Variants in CSMD1 observed in about 807,000 individuals in gnomAD.
CSMD1 encodes CUB and Sushi multiple domains 1.
CSMD1 carries 213 observed loss-of-function variants against 417.5 expected under a neutral mutation model. The ratio of observed to expected loss-of-function variants is 0.51; its 90% CI spans 0.46 to 0.57. The LOEUF is 0.57. CSMD1 is among the 20% of genes least tolerant of loss of function. The pLI is 0.00. For missense variants in CSMD1, 6,923 were observed against 4,529.7 expected (o/e 1.53, Z -15.17); for synonymous variants, 2,862 against 1,736.8 (o/e 1.65, Z -16.11).
intron 5 of CSMD1, among the ~76,000 whole-genome samples, chr8:3,850,124 C>T (rs1221340494): frequency 3.9e-5 from 6 of 152,292 alleles, no homozygotes; most frequent in East Asian, 3.9e-4. Flanking sequence ...TACATTTGGG[C>T]GATGTCGCCA....
Position 3,998,089 on chromosome 8 carries a change from G to A in CSMD1, c.632C>T (p.Thr211Ile), listed in dbSNP as rs755543538. 5.7e-6 allele frequency: 9 copies of A among 1,578,454 alleles called. No individual in the cohort carries two copies. Among genetic ancestry groups the A allele is most frequent in the Non-Finnish European group, 6.0e-6 (7 of 1,161,274 alleles). The change falls in exon 5 of 70, where the codon ACC becomes ATC. Residue 211 changes from threonine (T) to isoleucine (I), a missense_variant. Coordinates refer to ENST00000635120, the MANE Select transcript of CSMD1 (RefSeq NM_033225.6). ...FCRAEGACGG[T>I]LRGTSSSISS... ...GATGGAGCTGCTGGTCCCGCGTAAGGTTCCTCCGCAGGCTCCCTCAGCTGC... is the reference window on the plus strand; with the variant it reads ...GATGGAGCTGCTGGTCCCGCGTAAGATTCCTCCGCAGGCTCCCTCAGCTGC...
chr8:3,963,776 G>C (rs1266552745), intron 5 of CSMD1, among the ~76,000 whole-genome samples: 1 of 152,120 alleles, frequency 6.6e-6, no homozygotes, highest in East Asian at 1.9e-4. Flanking sequence ...TATATGTATA[G>C]CAACCTAAGT....
At chr8:4,478,996 T>C (rs1471388608) in intron 2 of CSMD1, among the ~76,000 whole-genome samples, 1 of 152,194 alleles carries the variant, frequency 6.6e-6, no homozygotes, top group Non-Finnish European at 1.5e-5. Context: ...CGATAATTCC[T>C]ACACTAAAAC....
At position 4,989,440 on chromosome 8, in the gene CSMD1, T is replaced by C. The variant is rs922993000; in HGVS notation, c.85+4892A>G. 2.6e-5 allele frequency among the ~76,000 whole-genome samples: 4 copies of C among 152,164 alleles called. 1 individual carries two copies. The highest frequency in any genetic ancestry group is 9.7e-5 in the African/African-American group (4 of 41,420). ...TTTCCATACAACCCAAAGACACAAA[T>C]ACTGTAGACTGTGGAAGATCTCCGC... On this transcript the variant is annotated intron_variant, in intron 1 of 69. Transcript: ENST00000635120.
chr8:3,264,307 G>C (rs1010794075), intron 26 of CSMD1, among the ~76,000 whole-genome samples: 3 of 152,158 alleles, frequency 2.0e-5, no homozygotes, highest in Admixed American at 2.0e-4. Flanking sequence ...ACCTCAGGTG[G>C]CGTAGTAATG....
intron 10 of CSMD1, among the ~76,000 whole-genome samples, chr8:3,544,060 C>T (rs533600023): frequency 5.2e-4 from 79 of 152,226 alleles, no homozygotes; most frequent in African/African-American, 1.8e-3. Context: ...GTGCTAACCA[C>T]AGGCCAAGGT....
chr8:3,951,884 A>G (rs1167413606), intron 5 of CSMD1, among the ~76,000 whole-genome samples: 7 of 152,036 alleles, frequency 4.6e-5, no homozygotes, highest in Non-Finnish European at 8.8e-5. Flanking sequence ...TACATAAGCT[A>G]TCCTGGAGGA....
chr8:4,920,926 G>C (rs1563769057), intron 1 of CSMD1, among the ~76,000 whole-genome samples: 3 of 22,356 alleles, frequency 1.3e-4, no homozygotes, highest in African/African-American at 3.7e-4. Flanking sequence ...GAAAAGAAAA[G>C]AAAGAGAGAA....
chr8:4,445,263 G>A (rs1481369264), intron 2 of CSMD1, among the ~76,000 whole-genome samples: 1 of 152,010 alleles, frequency 6.6e-6, no homozygotes, highest in Non-Finnish European at 1.5e-5. Context: ...CTAGCCATAT[G>A]TTCTCTGTCA....
intron 18 of CSMD1, among the ~76,000 whole-genome samples, chr8:3,385,652 A>C (rs1810962185): frequency 6.6e-6 from 1 of 152,168 alleles, no homozygotes; most frequent in African/African-American, 2.4e-5. Flanking sequence ...ATTCACTTAT[A>C]TGACGGTTCT....
intron 1 of CSMD1, among the ~76,000 whole-genome samples, chr8:4,741,101 G>A (rs1415789391): frequency 6.6e-6 from 1 of 152,082 alleles, no homozygotes; most frequent in African/African-American, 2.4e-5. Context: ...TGGCTCACAA[G>A]ATCCATCCTA....
At chr8:4,609,668 T>G (rs1801063699) in intron 2 of CSMD1, among the ~76,000 whole-genome samples, 2 of 152,132 alleles carry the variant, frequency 1.3e-5, no homozygotes, top group African/African-American at 2.4e-5. Context: ...TCCAAAGATT[T>G]TACGCTGCAG....
chr8:4,737,206 G>C (rs1016379507), intron 1 of CSMD1, among the ~76,000 whole-genome samples: 1 of 152,064 alleles, frequency 6.6e-6, no homozygotes, highest in Non-Finnish European at 1.5e-5. Flanking sequence ...GGAACTGGAG[G>C]CCATTATCTT....
Position 4,008,600 on chromosome 8 carries a change from CTTTTTTTT to C in CSMD1, c.611-10498_611-10491del, listed in dbSNP as rs1161117794. Among the ~76,000 whole-genome samples the C allele has an allele frequency of 3.5e-4, 28 of 80,450 alleles. No individual in the cohort carries two copies. The East Asian group carries it at 3.6e-3, about 10-fold the overall frequency. The allele number at this position is 80,450 out of a possible 152,430, so 52.8% of individuals were successfully genotyped here. A position where few individuals can be genotyped will look rare whatever the true frequency, so the allele number is the denominator to read the frequency against. On this transcript the variant is annotated intron_variant, in intron 4 of 69. Transcript: ENST00000635120. ...GATTCAGTATTTTCTTTCTTTTTTTCTTTTTTTTTTTTTTTTTTTTTTTTTTTTGAGAC... is the reference window on the plus strand; with the variant it reads ...GATTCAGTATTTTCTTTCTTTTTTTCTTTTTTTTTTTTTTTTTTTTGAGAC...
chr8:3,552,563 G>A (rs935097217), intron 10 of CSMD1, among the ~76,000 whole-genome samples: 6 of 152,100 alleles, frequency 3.9e-5, no homozygotes, highest in Non-Finnish European at 5.9e-5. Context: ...ACATAAGGTG[G>A]GGGGCATTGT....
At chr8:3,233,950 G>A (rs1799002451) in intron 26 of CSMD1, among the ~76,000 whole-genome samples, 3 of 152,122 alleles carry the variant, frequency 2.0e-5, no homozygotes, top group African/African-American at 7.2e-5. Flanking sequence ...TCCCGCCGGC[G>A]GTTGTGAGTT....
At chr8:4,568,287 CA>C (rs1270183983) in intron 2 of CSMD1, among the ~76,000 whole-genome samples, 1 of 152,090 alleles carries the variant, frequency 6.6e-6, no homozygotes, top group Non-Finnish European at 1.5e-5. Context: ...CCCCTTACCC[CA>C]CCACCCGAAA....
At chr8:3,617,177 A>G (rs1374596628) in intron 7 of CSMD1, among the ~76,000 whole-genome samples, 1 of 152,238 alleles carries the variant, frequency 6.6e-6, no homozygotes, top group East Asian at 1.9e-4. Context: ...ACTTATTCCC[A>G]TAGATGACAA....
intron 1 of CSMD1, among the ~76,000 whole-genome samples, chr8:4,854,400 C>T (rs1177785893): frequency 1.3e-5 from 2 of 152,032 alleles, no homozygotes; most frequent in Non-Finnish European, 2.9e-5. Flanking sequence ...GTGTGCCACT[C>T]CGGATCGAGC....
Sources: allele counts gnomAD v4.1 joint callset (sites outside exome capture counted in the v4.1 genomes callset), GRCh38; gene constraint gnomAD v4.1.1; transcripts MANE v1.5; gene names NCBI Gene and HGNC (gene_info 2026-07-23, HGNC 2026-07-21).